KSR2: variants seen among roughly 807,000 people sequenced by gnomAD.
KSR2 encodes kinase suppressor of ras 2.
Under a neutral mutation model 107.8 loss-of-function variants are expected in KSR2, and 25 were observed. The observed-to-expected ratio is 0.23, with a 90% CI of 0.17 to 0.32. The LOEUF (loss-of-function observed/expected upper bound fraction) is 0.32. Among genes scored for constraint, KSR2 ranks in the 10% least tolerant of loss-of-function variants. The pLI is 1.00. For synonymous variants in KSR2, 480 were observed against 507.0 expected, an observed-to-expected ratio of 0.95 and a Z score of 0.71; for missense variants, 887 against 1,268.9, an observed-to-expected ratio of 0.70 and a Z score of 4.57.
At chr12:117,814,471 G>C (rs1891301762) in intron 3 of KSR2, among the ~76,000 whole-genome samples, 1 of 152,108 alleles carries the variant, frequency 6.6e-6, no homozygotes, top group Non-Finnish European at 1.5e-5. Flanking sequence ...AGGATAAAAA[G>C]GGTGGGGGGC....
At chr12:117,787,740 A>G (rs4767617) in intron 3 of KSR2, among the ~76,000 whole-genome samples, 84,151 of 152,082 alleles carry the variant, frequency 0.55, 24,798 homozygotes, top group African/African-American at 0.75. Flanking sequence ...AGGAGCTTTC[A>G]GATGAGCAAA....
intron 4 of KSR2, among the ~76,000 whole-genome samples, chr12:117,751,542 G>A (rs574410347): frequency 6.6e-5 from 10 of 152,154 alleles, no homozygotes; most frequent in Non-Finnish European, 8.8e-5. Context: ...GGGAGCTCAC[G>A]GAATGGATCT....
At chr12:117,843,527 A>G (rs1239194317) in intron 3 of KSR2, among the ~76,000 whole-genome samples, 2 of 152,214 alleles carry the variant, frequency 1.3e-5, no homozygotes, top group East Asian at 3.8e-4. Context: ...GTTCCAGATT[A>G]GAGCTGGCCA....
At chr12:117,713,896 A>ATTGC (rs1266810017) in intron 4 of KSR2, among the ~76,000 whole-genome samples, 1 of 152,194 alleles carries the variant, frequency 6.6e-6, no homozygotes, top group Non-Finnish European at 1.5e-5. Flanking sequence ...CCAGCAACCC[A>ATTGC]TTGCTTCTAA....
chr12:117,531,733 G>A (rs753279302), intron 10 of KSR2, 26 bp from the exon 11 acceptor site: 1 of 1,589,154 alleles, frequency 6.3e-7, no homozygotes, highest in African/African-American at 1.4e-5. Flanking sequence ...AAACATCAAA[G>A]TGAGTGTCCC....
chr12:117,781,231 T>G (rs1258807074), intron 3 of KSR2, among the ~76,000 whole-genome samples: 1 of 152,234 alleles, frequency 6.6e-6, no homozygotes, highest in South Asian at 2.1e-4. Context: ...CCCAGTCATG[T>G]GGAATTGTGA....
intron 4 of KSR2, among the ~76,000 whole-genome samples, chr12:117,702,381 A>G (rs1000970165): frequency 6.6e-6 from 1 of 152,198 alleles, no homozygotes; most frequent in Non-Finnish European, 1.5e-5. Flanking sequence ...AGCTATCTAC[A>G]CAGCACCTGA....
chr12:117,968,514 C>A lies in KSR2; in HGVS notation c.-259G>T. 2 of 1,242,184 alleles carry A rather than the reference C, an allele frequency of 1.6e-6. No individual in the cohort carries two copies. Among genetic ancestry groups the A allele is most frequent in the Non-Finnish European group, 1.0e-6 (1 of 996,316 alleles). 76.9% of individuals were successfully genotyped at this position (1,242,184 alleles called of 1,614,324 possible). A position where few individuals can be genotyped will look rare whatever the true frequency, so the allele number is the denominator to read the frequency against. ...CTCCTCTCTCTCTGAGTCTCTGGTC[C>A]CTGAAAAGGAGAGATGCTGTTTCTC... On this transcript the variant is annotated 5_prime_UTR_variant, in exon 1 of 20. Coordinates refer to ENST00000339824, the MANE Select transcript of KSR2 (RefSeq NM_173598.6).
At chr12:117,489,989 T>A (rs906274553) in intron 14 of KSR2, among the ~76,000 whole-genome samples, 2 of 152,256 alleles carry the variant, frequency 1.3e-5, no homozygotes. Flanking sequence ...GAAAGTTTAC[T>A]GAGTATGTGC....
At chr12:117,937,292 C>T (rs909761886) in intron 1 of KSR2, among the ~76,000 whole-genome samples, 1 of 152,248 alleles carries the variant, frequency 6.6e-6, no homozygotes, top group East Asian at 1.9e-4. Flanking sequence ...TAATCATAAA[C>T]CACAAAGCAG....
intron 9 of KSR2, among the ~76,000 whole-genome samples, chr12:117,543,609 G>A (rs1327092420): frequency 6.6e-6 from 1 of 152,142 alleles, no homozygotes; most frequent in Non-Finnish European, 1.5e-5. Context: ...TATAAATTGT[G>A]TTAAACCTAT....
At chr12:117,926,679 T>A (rs551359170) in intron 1 of KSR2, among the ~76,000 whole-genome samples, 27 of 152,324 alleles carry the variant, frequency 1.8e-4, no homozygotes, top group African/African-American at 6.5e-4. Flanking sequence ...CAGATGGCCT[T>A]GTTCTTGGCA....
intron 3 of KSR2, among the ~76,000 whole-genome samples, chr12:117,824,756 CT>C (rs1445134207): frequency 6.7e-6 from 1 of 150,058 alleles, no homozygotes; most frequent in Non-Finnish European, 1.5e-5. Flanking sequence ...ACTCGGGAGG[CT>C]GAGGCAGGAG....
At chr12:117,886,966 A>G (rs1406028229) in intron 1 of KSR2, among the ~76,000 whole-genome samples, 1 of 152,104 alleles carries the variant, frequency 6.6e-6, no homozygotes, top group East Asian at 1.9e-4. Context: ...CTCTATCACC[A>G]AGGCTGGAAT....
chr12:117,920,755 C>T (rs1315263897), intron 1 of KSR2, among the ~76,000 whole-genome samples: 1 of 152,178 alleles, frequency 6.6e-6, no homozygotes, highest in Non-Finnish European at 1.5e-5. Context: ...GAGCCAGTAG[C>T]TTCCCAGTGT....
chr12:117,879,193 T>C (rs1026257313), intron 1 of KSR2, among the ~76,000 whole-genome samples: 1 of 152,202 alleles, frequency 6.6e-6, no homozygotes, highest in East Asian at 1.9e-4. Flanking sequence ...TTCAGATAAA[T>C]AATCCCATGA....
intron 3 of KSR2, among the ~76,000 whole-genome samples, chr12:117,827,034 C>A (rs1225665928): frequency 9.1e-3 from 933 of 102,834 alleles, no homozygotes; most frequent in South Asian, 0.014. Context: ...GACCCTGTCT[C>A]AAAAAAAAAA....
intron 3 of KSR2, among the ~76,000 whole-genome samples, chr12:117,824,467 C>A (rs1307248904): frequency 6.6e-6 from 1 of 152,180 alleles, no homozygotes; most frequent in African/African-American, 2.4e-5. Context: ...GATATTCCTA[C>A]ACTTTTTGAT....
At chr12:117,741,662 A>G (rs1888226643) in intron 4 of KSR2, among the ~76,000 whole-genome samples, 1 of 152,218 alleles carries the variant, frequency 6.6e-6, no homozygotes, top group African/African-American at 2.4e-5. Context: ...GGCTGATCTT[A>G]AACTCCTGGT....
Sources: gnomAD v4.1 joint callset for allele counts (sites outside exome capture counted in the v4.1 genomes callset) on GRCh38, gnomAD v4.1.1 for gene constraint, MANE v1.5 for transcripts, NCBI Gene and HGNC (gene_info 2026-07-23, HGNC 2026-07-21) for gene names.